The following ADCY8 variants were observed in gnomAD, a reference collection of about 807,000 sequenced individuals.
ADCY8 encodes adenylate cyclase 8.
In ADCY8, 51 loss-of-function variants were observed where a neutral mutation model predicts 119.7. That is an observed-to-expected ratio of 0.43 (90% CI 0.34 to 0.54). The LOEUF is 0.54. Among genes scored for constraint, ADCY8 ranks in the 20% least tolerant of loss-of-function variants. ADCY8 has a pLI of 0.03. For missense variants in ADCY8, 1,383 were observed against 1,598.8 expected (o/e 0.87, Z 2.30); for synonymous variants, 665 against 651.0 (o/e 1.02, Z -0.33).
At chr8:130,875,924 A>G (rs371330496) in intron 8 of ADCY8, among the ~76,000 whole-genome samples, 1 of 152,230 alleles carries the variant, frequency 6.6e-6, no homozygotes, top group Non-Finnish European at 1.5e-5. Flanking sequence ...GTTTTTGAAA[A>G]TACTCAGCAC....
intron 5 of ADCY8, among the ~76,000 whole-genome samples, chr8:130,930,818 A>G (rs1180195933): frequency 6.6e-6 from 1 of 152,096 alleles, no homozygotes; most frequent in Non-Finnish European, 1.5e-5. Context: ...TTTTTATCCT[A>G]CATTACAAAG....
intron 12 of ADCY8, among the ~76,000 whole-genome samples, chr8:130,834,531 C>T (rs576370497): frequency 1.4e-4 from 22 of 152,266 alleles, no homozygotes; most frequent in Admixed American, 1.4e-3. Context: ...AACAAGAGTG[C>T]TTTTATGTCT....
intron 7 of ADCY8, among the ~76,000 whole-genome samples, chr8:130,886,175 A>C (rs6980959): frequency 2.0e-5 from 3 of 151,934 alleles, no homozygotes; most frequent in Admixed American, 6.6e-5. Flanking sequence ...TTCTATAGCA[A>C]GGCTCATCAC....
chr8:130,940,612 A>G (rs1439504339), intron 4 of ADCY8, among the ~76,000 whole-genome samples: 1 of 152,226 alleles, frequency 6.6e-6, no homozygotes, highest in Non-Finnish European at 1.5e-5. Context: ...CTGATCAAAT[A>G]CTATGAGCTG....
intron 9 of ADCY8, among the ~76,000 whole-genome samples, chr8:130,866,064 T>C (rs1023837881): frequency 2.0e-5 from 3 of 152,164 alleles, no homozygotes; most frequent in Non-Finnish European, 2.9e-5. Context: ...GGTACTGATA[T>C]CACACAGATT....
At chr8:130,940,167 C>T (rs1400270593) in intron 4 of ADCY8, among the ~76,000 whole-genome samples, 2 of 152,194 alleles carry the variant, frequency 1.3e-5, no homozygotes, top group Admixed American at 6.5e-5. Flanking sequence ...CGGATGGGAA[C>T]AGCAGGCTTG....
intron 14 of ADCY8, among the ~76,000 whole-genome samples, chr8:130,807,680 G>T (rs1013273886): frequency 2.2e-4 from 34 of 152,250 alleles, no homozygotes; most frequent in Middle Eastern, 3.4e-3. Flanking sequence ...AGACATTTCT[G>T]TTCTTTAAAA....
intron 8 of ADCY8, 106 bp downstream of exon 8, chr8:130,884,458 A>T (rs1023105931): frequency 8.2e-7 from 1 of 1,226,952 alleles, no homozygotes; most frequent in Non-Finnish European, 1.2e-6. Flanking sequence ...ACCAAAGCAA[A>T]CAAACAAAGA....
At chr8:130,999,395 C>T (rs1822874860) in intron 1 of ADCY8, among the ~76,000 whole-genome samples, 1 of 152,118 alleles carries the variant, frequency 6.6e-6, no homozygotes, top group African/African-American at 2.4e-5. Context: ...ATAGAGACAG[C>T]ATGGGCACTG....
At chr8:130,869,214 C>A (rs2130395802) in intron 8 of ADCY8, among the ~76,000 whole-genome samples, 1 of 152,248 alleles carries the variant, frequency 6.6e-6, no homozygotes, top group Middle Eastern at 3.4e-3. Context: ...TTGCTGGCAA[C>A]CTGCTTGTTA....
At chr8:130,947,966 T>C (rs1036119026) in intron 3 of ADCY8, among the ~76,000 whole-genome samples, 2 of 152,176 alleles carry the variant, frequency 1.3e-5, no homozygotes, top group African/African-American at 4.8e-5. Flanking sequence ...GCACCTGGAA[T>C]TGATTCTCCC....
At chr8:130,859,113 C>T (rs183740004) in intron 9 of ADCY8, among the ~76,000 whole-genome samples, 3 of 152,224 alleles carry the variant, frequency 2.0e-5, no homozygotes, top group Admixed American at 1.3e-4. Flanking sequence ...GTGCTCATTA[C>T]CACTGAGGTG....
chr8:130,979,713 T>C (rs890807460), intron 2 of ADCY8, among the ~76,000 whole-genome samples: 4 of 152,116 alleles, frequency 2.6e-5, no homozygotes, highest in Admixed American at 6.5e-5. Context: ...AAAATGGAGG[T>C]AAAAAATTCA....
At chr8:130,858,194 A>G (rs1817810300) in intron 9 of ADCY8, among the ~76,000 whole-genome samples, 1 of 152,154 alleles carries the variant, frequency 6.6e-6, no homozygotes, top group African/African-American at 2.4e-5. Flanking sequence ...AAAAACAGAT[A>G]TGTTACTTCA....
chr8:130,967,188 C>T (rs907072838), intron 2 of ADCY8, among the ~76,000 whole-genome samples: 9 of 152,192 alleles, frequency 5.9e-5, no homozygotes, highest in Non-Finnish European at 2.9e-5. Flanking sequence ...CATAGCATTG[C>T]AGAAGCTGTT....
intron 4 of ADCY8, among the ~76,000 whole-genome samples, chr8:130,940,084 G>A (rs1469423957): frequency 6.6e-6 from 1 of 152,198 alleles, no homozygotes; most frequent in Non-Finnish European, 1.5e-5. Context: ...TGTACTATGT[G>A]CCAGGCAATG....
chr8:131,029,060 G>A (rs1027754612), intron 1 of ADCY8, among the ~76,000 whole-genome samples: 8 of 152,308 alleles, frequency 5.3e-5, no homozygotes, highest in African/African-American at 1.2e-4. Flanking sequence ...ACTCCCCATC[G>A]CTTGCATTAC....
intron 1 of ADCY8, among the ~76,000 whole-genome samples, chr8:131,010,466 CTG>C (rs1210502036): frequency 1.3e-5 from 2 of 151,992 alleles, no homozygotes; most frequent in Admixed American, 1.3e-4. Context: ...ATGTTCACAT[CTG>C]TGTCTTTAGT....
At chr8:130,949,569 G>T (rs1386062106) in intron 3 of ADCY8, 1 of 152,140 alleles carries the variant, frequency 6.6e-6, no homozygotes, top group East Asian at 1.9e-4. Flanking sequence ...ATGGACCGTG[G>T]CTCTGCCTTC....
Sources: gnomAD v4.1 joint callset for allele counts (sites outside exome capture counted in the v4.1 genomes callset) on GRCh38, gnomAD v4.1.1 for gene constraint, MANE v1.5 for transcripts, NCBI Gene and HGNC (gene_info 2026-07-23, HGNC 2026-07-21) for gene names.